The following RBM26 variants were observed in gnomAD, a reference collection of about 807,000 sequenced individuals.
RBM26 encodes RNA-binding protein 26.
RBM26 carries 30 observed loss-of-function variants against 123.6 expected under a neutral mutation model. The observed-to-expected ratio is 0.24, with a 90% CI of 0.18 to 0.33. The LOEUF (loss-of-function observed/expected upper bound fraction) is 0.33, where lower values mean the gene tolerates loss of function less well. Ranked by LOEUF, RBM26 falls within the 10% of genes least tolerant of loss-of-function variation. The probability of loss-of-function intolerance (pLI) is 1.00; values close to 1 mark genes in which losing one functional copy is unlikely to be tolerated. For synonymous variants in RBM26, 400 were observed against 404.4 expected (o/e 0.99, Z 0.13); for missense variants, 947 against 1,203.6 (o/e 0.79, Z 3.15).
intron 7 of RBM26, 73 bp from the exon 8 acceptor site, chr13:79,366,268 T>A: frequency 6.9e-7 from 1 of 1,453,256 alleles, no homozygotes; most frequent in Non-Finnish European, 9.4e-7. Context: ...CATCCGAACA[T>A]AATCTTCTCA....
At chr13:79,339,177 G>A (rs753193384) in intron 18 of RBM26, among the ~76,000 whole-genome samples, 1 of 152,126 alleles carries the variant, frequency 6.6e-6, no homozygotes, top group Non-Finnish European at 1.5e-5. Flanking sequence ...TACAAATACT[G>A]TATGATCTCA....
intron 10 of RBM26, among the ~76,000 whole-genome samples, chr13:79,359,125 G>A (rs2074361330): frequency 6.6e-6 from 1 of 152,052 alleles, no homozygotes; most frequent in Non-Finnish European, 1.5e-5. Context: ...CCCTTTATCT[G>A]AAGCTCTTTC....
chr13:79,375,176 TA>T lies in RBM26; in HGVS notation c.327+2202del, dbSNP rs1282161963. ...TTCATATTTATATATATTATATATA[TA>T]TATTTTTTTTTTGAGACGGAGTTTA... On this transcript the variant is annotated intron_variant, in intron 3 of 21. Transcript: ENST00000438737. 3.1e-4 allele frequency among the ~76,000 whole-genome samples: 42 copies of T among 137,306 alleles called. 1 individual carries two copies. The highest frequency in any genetic ancestry group is 6.0e-4 in the African/African-American group (22 of 36,704). The allele number at this position is 137,306 out of a possible 152,430, so 90.1% of individuals were successfully genotyped here.
intron 5 of RBM26, 75 bp downstream of exon 5, chr13:79,370,869 CA>C (rs2075811291): frequency 2.7e-6 from 4 of 1,460,388 alleles, no homozygotes; most frequent in Admixed American, 3.8e-5. Flanking sequence ...ACAACACTGA[CA>C]AAATGTTAAG....
chr13:79,373,427 ATAAATATATATTATATATT>A (rs1478214889), intron 3 of RBM26, among the ~76,000 whole-genome samples: 4 of 24,742 alleles, frequency 1.6e-4, no homozygotes, highest in East Asian at 9.9e-4. Flanking sequence ...TAAATAAAAT[ATAAATATATATTATATATT>A]ATATATAAAT....
chr13:79,350,387 T>C (rs2073055912), intron 14 of RBM26, among the ~76,000 whole-genome samples: 1 of 152,202 alleles, frequency 6.6e-6, no homozygotes, highest in Non-Finnish European at 1.5e-5. Context: ...CTTAAGTCTG[T>C]TTTAAAAAAC....
chr13:79,371,788 G>T, intron 4 of RBM26, 54 bp downstream of exon 4: 2 of 1,237,676 alleles, frequency 1.6e-6, no homozygotes, highest in Non-Finnish European at 2.4e-6. Flanking sequence ...CTAAACATTT[G>T]TATAAAAGAT....
exon 5 of RBM26, chr13:79,311,903 AT>A: frequency 6.6e-6 from 1 of 152,102 alleles, no homozygotes; most frequent in South Asian, 2.1e-4. Context: ...ACAAAACATA[AT>A]TCAACTATAA....
chr13:79,403,585 G>A (rs2079238538), intron 1 of RBM26, among the ~76,000 whole-genome samples: 1 of 152,178 alleles, frequency 6.6e-6, no homozygotes. Flanking sequence ...TTACACACCA[G>A]ACAGTAGTCT....
At chr13:79,393,048 C>G (rs1036946432) in intron 1 of RBM26, among the ~76,000 whole-genome samples, 1 of 152,178 alleles carries the variant, frequency 6.6e-6, no homozygotes, top group African/African-American at 2.4e-5. Flanking sequence ...CTCATCAACA[C>G]TTACTAACCA....
At chr13:79,324,210 A>C (rs1483163865) in intron 20 of RBM26, among the ~76,000 whole-genome samples, 2 of 151,796 alleles carry the variant, frequency 1.3e-5, no homozygotes, top group Admixed American at 1.3e-4. Flanking sequence ...CACATACTGA[A>C]AGAACTTCTG....
intron 6 of RBM26, among the ~76,000 whole-genome samples, chr13:79,368,477 G>A (rs970740237): frequency 5.3e-5 from 8 of 152,134 alleles, no homozygotes; most frequent in African/African-American, 1.9e-4. Flanking sequence ...AAACTCAGTA[G>A]ATATTTACTC....
intron 10 of RBM26, among the ~76,000 whole-genome samples, chr13:79,358,807 TTA>T (rs1594292896): frequency 6.6e-6 from 1 of 152,304 alleles, no homozygotes; most frequent in South Asian, 2.1e-4. Flanking sequence ...TCTTAAAACT[TTA>T]TGTTTTAAAT....
rs556716522 is a variant in RBM26, at chr13:79,395,617, G to A, written c.71+10087C>T. On this transcript the variant is annotated intron_variant, in intron 1 of 21. Transcript: ENST00000438737. ...TTAAATTAAAAAATTAGCTGGGTGT[G>A]GTGGTGTGTGACTGCCATTCCAGCT... is the stretch of plus-strand genomic sequence containing the variant. Among the ~76,000 whole-genome samples the A allele has an allele frequency of 7.7e-4, 117 of 152,090 alleles. 1 individual carries two copies. Among genetic ancestry groups the A allele is most frequent in the South Asian group, 3.7e-3 (18 of 4,814 alleles).
chr13:79,395,992 C>CA lies in RBM26; in HGVS notation c.71+9711dup, dbSNP rs201973443. Among the ~76,000 whole-genome samples the CA allele has an allele frequency of 1.4e-3, 210 of 152,136 alleles. 1 individual carries two copies. In the East Asian group the frequency reaches 0.031, roughly 23 times the overall value. On this transcript the variant is annotated intron_variant, in intron 1 of 21. Transcript: ENST00000438737. ...GACCCAAAACACAGATCCAAATTGGCAAATCTAAGGATAAAACACATAAAC... is the reference window on the plus strand; with the variant it reads ...GACCCAAAACACAGATCCAAATTGGCAAAATCTAAGGATAAAACACATAAAC...
chr13:79,405,652 C>A, intron 1 of RBM26, 52 bp downstream of exon 1: 2 of 1,323,538 alleles, frequency 1.5e-6, no homozygotes, highest in Non-Finnish European at 2.1e-6. Flanking sequence ...ATCTCTGGGT[C>A]CGCCTATCTC....
chr13:79,393,344 G>C (rs956949292), intron 1 of RBM26, among the ~76,000 whole-genome samples: 1 of 152,170 alleles, frequency 6.6e-6, no homozygotes, highest in East Asian at 1.9e-4. Context: ...TGCCCACTTG[G>C]CCCTCTTCCA....
At chr13:79,318,015 A>G (rs2067302322), downstream of RBM26, among the ~76,000 whole-genome samples, 2 of 151,592 alleles carry the variant, frequency 1.3e-5, no homozygotes, top group African/African-American at 4.8e-5. Context: ...GGAGCTTGTA[A>G]TCTAGTGGGG....
At chr13:79,356,903 G>A (rs933573736) in intron 11 of RBM26, among the ~76,000 whole-genome samples, 2 of 152,230 alleles carry the variant, frequency 1.3e-5, no homozygotes, top group African/African-American at 2.4e-5. Context: ...GTAGTTAATT[G>A]TGTGAAGAAT....
Sources: gnomAD v4.1 joint callset for allele counts (sites outside exome capture counted in the v4.1 genomes callset) on GRCh38, gnomAD v4.1.1 for gene constraint, MANE v1.5 for transcripts, NCBI Gene and HGNC (gene_info 2026-07-23, HGNC 2026-07-21) for gene names.